The following MAP4K4 variants were observed in gnomAD, a reference collection of about 807,000 sequenced individuals.
The protein encoded by MAP4K4 is HPK/GCK-like kinase HGK.
Under a neutral mutation model 189.6 loss-of-function variants are expected in MAP4K4, and 38 were observed. The observed-to-expected ratio is 0.20, with a 90% CI of 0.15 to 0.26. The LOEUF is 0.26. Ranked by LOEUF, MAP4K4 falls within the 10% of genes least tolerant of loss-of-function variation. The probability of loss-of-function intolerance (pLI) is 1.00; values close to 1 mark genes in which losing one functional copy is unlikely to be tolerated. For synonymous variants in MAP4K4, 610 were observed against 624.3 expected, an observed-to-expected ratio of 0.98 and a Z score of 0.34; for missense variants, 1,054 against 1,726.9, an observed-to-expected ratio of 0.61 and a Z score of 6.91.
Position 101,756,423 on chromosome 2 carries a change from C to T in MAP4K4, c.124-34297C>T, listed in dbSNP as rs551641365. 7.2e-5 allele frequency among the ~76,000 whole-genome samples: 11 copies of T among 152,144 alleles called. No individual in the cohort carries two copies. The East Asian group carries it at 7.7e-4, about 11-fold the overall frequency. On this transcript the variant is annotated intron_variant, in intron 2 of 32. Transcript: ENST00000324219. ...GCAGCTAGGACTATCAGTGCCTGCTCGGTAGTAGTTGAAAAATACTGTTGA... is the reference window on the plus strand; with the variant it reads ...GCAGCTAGGACTATCAGTGCCTGCTTGGTAGTAGTTGAAAAATACTGTTGA...
intron 13 of MAP4K4, among the ~76,000 whole-genome samples, chr2:101,857,910 C>CA (rs2097527370): frequency 6.6e-6 from 1 of 152,222 alleles, no homozygotes; most frequent in East Asian, 1.9e-4. Context: ...CAGCAGTAGA[C>CA]ACTCTTAAAA....
intron 2 of MAP4K4, among the ~76,000 whole-genome samples, chr2:101,751,016 A>C (rs575694009): frequency 3.9e-4 from 60 of 152,268 alleles, no homozygotes; most frequent in African/African-American, 1.3e-3. Flanking sequence ...GCCTGGGCAC[A>C]ACACTGATAC....
intron 23 of MAP4K4, 102 bp downstream of exon 23, chr2:101,870,517 T>C (rs2097957982): frequency 6.7e-7 from 1 of 1,498,098 alleles, no homozygotes; most frequent in African/African-American, 1.4e-5. Context: ...ATCATCTGTT[T>C]TCATGTTAAC....
chr2:101,883,465 G>A (rs1461172875), intron 28 of MAP4K4, among the ~76,000 whole-genome samples: 2 of 151,914 alleles, frequency 1.3e-5, no homozygotes, highest in Admixed American at 1.3e-4. Context: ...CTGAATAGTT[G>A]GGATTACAGG....
At chr2:101,818,499 A>C (rs1474346450) in intron 3 of MAP4K4, among the ~76,000 whole-genome samples, 1 of 152,204 alleles carries the variant, frequency 6.6e-6, no homozygotes. Context: ...CAGTTAGCTT[A>C]TCTGAAGTCT....
chr2:101,746,290 ATT>A (rs199987833), intron 2 of MAP4K4, among the ~76,000 whole-genome samples: 77 of 131,868 alleles, frequency 5.8e-4, no homozygotes, highest in Non-Finnish European at 5.9e-4. Flanking sequence ...CCTGGCCCTG[ATT>A]TTTTTTTTTT....
chr2:101,740,192 C>T (rs1438145391), intron 2 of MAP4K4, among the ~76,000 whole-genome samples: 2 of 81,216 alleles, frequency 2.5e-5, no homozygotes, highest in Non-Finnish European at 3.6e-5. Flanking sequence ...CTCGCTCTGT[C>T]GCCCAGGCTG....
exon 27 of MAP4K4, chr2:101,877,016 A>G (rs750523687): frequency 1.4e-5 from 22 of 1,613,944 alleles, no homozygotes; most frequent in Admixed American, 1.7e-5. Context: ...TGAATTTGCT[A>G]GTGGGTACAG....
At chr2:101,706,321 A>T (rs1223041753) in intron 2 of MAP4K4, among the ~76,000 whole-genome samples, 2 of 152,210 alleles carry the variant, frequency 1.3e-5, no homozygotes, top group Non-Finnish European at 2.9e-5. Flanking sequence ...TAACTCCTAT[A>T]CTTGCTGCCT....
At chr2:101,711,155 T>A (rs543784928) in intron 2 of MAP4K4, among the ~76,000 whole-genome samples, 10 of 152,204 alleles carry the variant, frequency 6.6e-5, no homozygotes, top group African/African-American at 2.4e-4. Context: ...GGGAGACTGC[T>A]TTGTTCAGCT....
intron 2 of MAP4K4, among the ~76,000 whole-genome samples, chr2:101,709,561 A>G (rs1380139682): frequency 2.0e-5 from 3 of 152,342 alleles, no homozygotes; most frequent in East Asian, 1.9e-4. Flanking sequence ...AAGACAAACT[A>G]TTCACTATCA....
intron 19 of MAP4K4, 78 bp downstream of exon 19, chr2:101,866,657 G>A (rs1290321193): frequency 3.9e-6 from 6 of 1,537,026 alleles, no homozygotes; most frequent in Non-Finnish European, 5.3e-6. Context: ...GTCTTAATCT[G>A]TAGTTTGCGT....
intron 2 of MAP4K4, among the ~76,000 whole-genome samples, chr2:101,729,101 A>AGAGAGTGTGTGTGTGTGT (rs149283961): frequency 5.0e-4 from 65 of 130,602 alleles, no homozygotes; most frequent in African/African-American, 1.7e-3. Context: ...AGAGAGAGAG[A>AGAGAGTGTGTGTGTGTGT]GTGTGTGTGT....
At chr2:101,706,468 C>G (rs2042351295) in intron 2 of MAP4K4, among the ~76,000 whole-genome samples, 3 of 152,206 alleles carry the variant, frequency 2.0e-5, no homozygotes, top group African/African-American at 7.2e-5. Flanking sequence ...ACCCCTGCCC[C>G]CACATCGCTT....
intron 19 of MAP4K4, 101 bp downstream of exon 19, chr2:101,866,680 C>A: frequency 7.1e-7 from 1 of 1,399,954 alleles, no homozygotes. Flanking sequence ...AGCCACACGT[C>A]ACAAAACAAT....
chr2:101,745,972 T>TGTG (rs2065313588), intron 2 of MAP4K4, among the ~76,000 whole-genome samples: 6 of 146,496 alleles, frequency 4.1e-5, no homozygotes, highest in African/African-American at 1.6e-4. Context: ...CCTGTTTCCT[T>TGTG]TGTGTGTGTG....
At chr2:101,752,879 G>A (rs1175025138) in intron 2 of MAP4K4, among the ~76,000 whole-genome samples, 2 of 152,186 alleles carry the variant, frequency 1.3e-5, no homozygotes, top group Non-Finnish European at 2.9e-5. Context: ...CAGGAGACCT[G>A]TTTCTGTTTC....
At position 101,756,729 on chromosome 2, in the gene MAP4K4, A is replaced by ATT. The variant is rs34314872; in HGVS notation, c.124-33974_124-33973dup. On this transcript the variant is annotated intron_variant, in intron 2 of 32. Transcript: ENST00000324219. ...ATCACCATGCCCAGCTAATTTTTGT[A>ATT]TTTTTTTTTTTTTTTTTTGTAGAAA... is the stretch of plus-strand genomic sequence containing the variant. 2.0e-3 allele frequency among the ~76,000 whole-genome samples: 244 copies of ATT among 125,016 alleles called. 2 individuals are homozygous for ATT. Among genetic ancestry groups the ATT allele is most frequent in the East Asian group, 4.2e-3 (18 of 4,336 alleles). 82.0% of individuals were successfully genotyped at this position (125,016 alleles called of 152,430 possible).
intron 8 of MAP4K4, among the ~76,000 whole-genome samples, chr2:101,835,460 AG>A (rs1418456502): frequency 6.6e-6 from 1 of 152,222 alleles, no homozygotes; most frequent in Non-Finnish European, 1.5e-5. Flanking sequence ...TAGTATTTTT[AG>A]CTATAACAAC....
Sources: gnomAD v4.1 joint callset for allele counts (sites outside exome capture counted in the v4.1 genomes callset) on GRCh38, gnomAD v4.1.1 for gene constraint, MANE v1.5 for transcripts, NCBI Gene and HGNC (gene_info 2026-07-23, HGNC 2026-07-21) for gene names.